Variants in ACACB observed in about 807,000 individuals in gnomAD.
ACACB encodes the protein acetyl-CoA carboxylase beta, also known as acetyl-CoA carboxylase 2.
In ACACB, 209 loss-of-function variants were observed where a neutral mutation model predicts 278.8. That is an observed-to-expected ratio of 0.75 (90% confidence interval 0.67 to 0.84). The LOEUF is 0.84. Among genes scored for constraint, ACACB ranks in the 40% least tolerant of loss-of-function variants. ACACB has a pLI of 0.00. For missense variants in ACACB, 2,850 were observed against 3,269.0 expected (o/e 0.87, Z 3.13); for synonymous variants, 1,174 against 1,285.6 (o/e 0.91, Z 1.86).
rs776770321 is a variant in ACACB at position 109,246,179 on chromosome 12, G to T, written c.5302G>T (p.Val1768Leu). The T allele has an allele frequency of 6.2e-7, 1 of 1,607,442 alleles. No homozygotes were observed. Among genetic ancestry groups the T allele is most frequent in the Non-Finnish European group, 8.5e-7 (1 of 1,174,638 alleles). Residue 1768 changes from valine (V) to leucine (L), a missense_variant and splice_region_variant, in exon 39 of 53, where the codon GTG becomes TTG. Physicochemically the swap from Val to Leu is conservative, Grantham distance 32 (BLOSUM62 1). Transcript: ENST00000338432. ...EMNRLPGGNE[V>L]GMVAFKMRFK... The stretch of plus-strand genomic sequence containing the variant: ...CCTTGTGCATTCATCCCCTTGCCAG[G>T]TGGGCATGGTGGCCTTCAAAATGAG...
chr12:109,172,789 C>T (rs2044160647), intron 6 of ACACB, among the ~76,000 whole-genome samples: 3 of 152,258 alleles, frequency 2.0e-5, no homozygotes, highest in Admixed American at 6.5e-5. Flanking sequence ...ATAGAACTAC[C>T]GTTTAACCCA....
chr12:109,115,919 G>A (rs746344344), upstream of ACACB, among the ~76,000 whole-genome samples: 11 of 152,216 alleles, frequency 7.2e-5, no homozygotes, highest in Non-Finnish European at 1.0e-4. Flanking sequence ...GCTCCTATGT[G>A]GTCTCCACTT....
intron 10 of ACACB, 37 bp downstream of exon 10, chr12:109,179,334 G>C (rs746633273): frequency 1.3e-6 from 2 of 1,592,946 alleles, no homozygotes; most frequent in East Asian, 4.5e-5. Context: ...GCTTCAGAGA[G>C]AGCCGTCTCA....
At chr12:109,172,119 G>A (rs557761637) in intron 5 of ACACB, among the ~76,000 whole-genome samples, 156 bp from the exon 6 acceptor site, 96 of 152,204 alleles carry the variant, frequency 6.3e-4, no homozygotes, top group African/African-American at 2.2e-3. Context: ...ACAGGATCTC[G>A]CCATGTTGGC....
intron 22 of ACACB, 62 bp from the exon 23 acceptor site, chr12:109,216,556 C>T (rs2046004936): frequency 6.7e-7 from 1 of 1,500,534 alleles, no homozygotes; most frequent in Non-Finnish European, 9.2e-7. Context: ...AAAAAAAATA[C>T]TAAATATTCA....
intron 34 of ACACB, among the ~76,000 whole-genome samples, chr12:109,239,447 G>T (rs1352591901): frequency 1.3e-5 from 2 of 152,196 alleles, no homozygotes; most frequent in Admixed American, 6.5e-5. Flanking sequence ...GAAGAAAAAA[G>T]TGAGGCTGAG....
intron 27 of ACACB, among the ~76,000 whole-genome samples, 176 bp downstream of exon 27, chr12:109,224,080 A>C (rs2046251487): frequency 6.6e-6 from 1 of 152,152 alleles, no homozygotes; most frequent in South Asian, 2.1e-4. Context: ...AGGCTCAGAG[A>C]GGTCAAGTGA....
At chr12:109,124,585 A>G (rs2042632153) in intron 1 of ACACB, among the ~76,000 whole-genome samples, 1 of 152,204 alleles carries the variant, frequency 6.6e-6, no homozygotes, top group Non-Finnish European at 1.5e-5. Flanking sequence ...CTCTTGCCGA[A>G]TGACTTTACT....
At chr12:109,261,746 C>T (rs1391391804) in intron 48 of ACACB, among the ~76,000 whole-genome samples, 2 of 151,806 alleles carry the variant, frequency 1.3e-5, no homozygotes, top group African/African-American at 4.8e-5. Flanking sequence ...TGGTACACGC[C>T]TGTAATCCAA....
At chr12:109,203,692 C>T (rs2045406809) in intron 19 of ACACB, among the ~76,000 whole-genome samples, 2 of 152,208 alleles carry the variant, frequency 1.3e-5, no homozygotes. Flanking sequence ...CCAGGGGGTG[C>T]ACCAGAGTGT....
chr12:109,133,607 A>T (rs879303393), intron 1 of ACACB, among the ~76,000 whole-genome samples: 1 of 151,884 alleles, frequency 6.6e-6, no homozygotes, highest in Non-Finnish European at 1.5e-5. Context: ...TATCAATTTT[A>T]TGCACCTGCT....
chr12:109,212,147 G>A (rs1269169363), intron 21 of ACACB, among the ~76,000 whole-genome samples: 1 of 152,088 alleles, frequency 6.6e-6, no homozygotes, highest in African/African-American at 2.4e-5. Context: ...ATGAACAGGG[G>A]TGTTTCAGGG....
intron 2 of ACACB, among the ~76,000 whole-genome samples, chr12:109,150,521 G>T (rs1319043936): frequency 1.3e-5 from 2 of 152,194 alleles, no homozygotes; most frequent in African/African-American, 4.8e-5. Flanking sequence ...GACCATGTTG[G>T]GATCACTGAG....
chr12:109,254,900 G>A (rs368678986), intron 44 of ACACB, among the ~76,000 whole-genome samples: 13 of 151,982 alleles, frequency 8.6e-5, no homozygotes, highest in South Asian at 6.2e-4. Context: ...TCAGTCTACC[G>A]AGTAGCTGGG....
At chr12:109,190,291 T>C (rs781741233) in intron 13 of ACACB, among the ~76,000 whole-genome samples, 2 of 152,188 alleles carry the variant, frequency 1.3e-5, no homozygotes, top group Non-Finnish European at 2.9e-5. Flanking sequence ...TTTCTCCATG[T>C]TGGTCAGGCT....
chr12:109,225,823 T>G (rs2046298442), intron 27 of ACACB, among the ~76,000 whole-genome samples: 1 of 152,354 alleles, frequency 6.6e-6, no homozygotes, highest in African/African-American at 2.4e-5. Flanking sequence ...ATTCCAAAGA[T>G]GTAGTACTGT....
chr12:109,154,331 CTTGACAACAGGGACT>C (rs899572322), intron 2 of ACACB, among the ~76,000 whole-genome samples: 5 of 152,210 alleles, frequency 3.3e-5, no homozygotes, highest in African/African-American at 1.2e-4. Flanking sequence ...TAAAAGTCGA[CTTGACAACAGGGACT>C]TTTAACGGGC....
intron 18 of ACACB, among the ~76,000 whole-genome samples, chr12:109,200,737 G>T (rs2045305921): frequency 6.6e-6 from 1 of 152,142 alleles, no homozygotes; most frequent in Admixed American, 6.5e-5. Flanking sequence ...GTCACACAAA[G>T]CCAGGATTCA....
chr12:109,187,945 A>G (rs970632093), intron 12 of ACACB, 54 bp from the exon 13 acceptor site: 2 of 1,561,274 alleles, frequency 1.3e-6, no homozygotes, highest in African/African-American at 2.7e-5. Flanking sequence ...TTCTGATGAA[A>G]ATATATCTGG....
Sources: gnomAD v4.1 joint callset for allele counts (sites outside exome capture counted in the v4.1 genomes callset) on GRCh38, gnomAD v4.1.1 for gene constraint, MANE v1.5 for transcripts, NCBI Gene and HGNC (gene_info 2026-07-23, HGNC 2026-07-21) for gene names.